POP4: variants seen among roughly 807,000 people sequenced by gnomAD.
POP4 encodes the protein POP4 ribonuclease P/MRP subunit, also known as ribonuclease P protein subunit p29.
A neutral mutation model predicts 29.9 loss-of-function variants in POP4; 31 were observed. That is an observed-to-expected ratio of 1.04 (90% confidence interval 0.78 to 1.40). The LOEUF (loss-of-function observed/expected upper bound fraction) is 1.40. POP4 is among the 40% of genes most tolerant of loss of function. The pLI is 0.00. For synonymous variants in POP4, 110 were observed against 108.2 expected (o/e 1.02, Z -0.10); for missense variants, 286 against 282.7 (o/e 1.01, Z -0.08).
chr19:29,615,081 C>A (rs1971114612), intron 6 of POP4, among the ~76,000 whole-genome samples, 163 bp from the exon 7 acceptor site: 1 of 152,164 alleles, frequency 6.6e-6, no homozygotes, highest in Admixed American at 6.5e-5. Context: ...GGCAGAATAA[C>A]CACAGGCAAC....
chr19:29,615,096 A>C, intron 6 of POP4, 148 bp from the exon 7 acceptor site: 1 of 946,608 alleles, frequency 1.1e-6, no homozygotes, highest in Non-Finnish European at 1.5e-6. Flanking sequence ...GGCAACCCTA[A>C]TGCCCCTCCC....
chr19:29,615,111 T>C, intron 6 of POP4, 133 bp from the exon 7 acceptor site: 1 of 1,111,004 alleles, frequency 9.0e-7, no homozygotes, highest in Non-Finnish European at 1.2e-6. Context: ...CCTCCCCTTG[T>C]GGGTTTCCCG....
Position 29,615,400 on chromosome 19 carries a change from A to C in POP4, c.*20A>C, listed in dbSNP as rs1456098930. On this transcript the variant is annotated 3_prime_UTR_variant, in exon 7 of 7. Transcript: ENST00000585603. ...CTGTGAATTCTTTGCCGTCTAAGGC[A>C]GTTGTTTATGACAGCTGAAAACTGG... The C allele has an allele frequency of 6.2e-7, 1 of 1,609,336 alleles. No individual in the cohort carries two copies. The highest frequency in any genetic ancestry group is 1.7e-5 in the Admixed American group (1 of 59,062).
chr19:29,610,706 G>A, intron 3 of POP4, 74 bp downstream of exon 3: 1 of 1,468,814 alleles, frequency 6.8e-7, no homozygotes, highest in East Asian at 2.4e-5. Flanking sequence ...CTGAGTGGCT[G>A]GGGAGGCAGC....
chr19:29,612,811 A>G (rs1171944054), intron 5 of POP4, among the ~76,000 whole-genome samples: 2 of 152,146 alleles, frequency 1.3e-5, no homozygotes, highest in African/African-American at 2.4e-5. Flanking sequence ...GGAACATCCT[A>G]CTACTTAAAT....
At position 29,610,544 on chromosome 19, in the gene POP4, C is replaced by T. The variant is rs371486003; in HGVS notation, c.196C>T (p.Arg66Cys). 19 of 1,614,160 alleles carry T rather than the reference C, an allele frequency of 1.2e-5. No homozygotes were observed. The highest frequency in any genetic ancestry group is 4.0e-5 in the African/African-American group (3 of 75,070). The change falls in exon 3 of 7, where the codon CGC becomes TGC. Residue 66 changes from arginine to cysteine, a missense_variant. Physicochemically the swap from Arg to Cys is radical, Grantham distance 180 (BLOSUM62 -3). Transcript: ENST00000585603. ...VVLEYFTRHK[R>C]KEKKKKAKGL... ...CCTGGAGTACTTCACCCGCCACAAG[C>T]GCAAGGAGAAGAAGAAGAAAGCCAA... is the stretch of plus-strand genomic sequence containing the variant.
chr19:29,613,583 A>G (rs1044089994), intron 5 of POP4, among the ~76,000 whole-genome samples: 1 of 152,212 alleles, frequency 6.6e-6, no homozygotes, highest in African/African-American at 2.4e-5. Flanking sequence ...TGCTGGGCAC[A>G]TATGTGACCT....
Position 29,613,890 on chromosome 19 carries a change from C to T in POP4, c.444C>T (p.Pro148=), listed in dbSNP as rs1299464874. 5.0e-6 allele frequency: 8 copies of T among 1,613,332 alleles called. No individual in the cohort carries two copies. The highest frequency in any genetic ancestry group is 6.8e-6 in the Non-Finnish European group (8 of 1,179,752). ...TTGCAGTGACAAAATCCAAATGCCC[C>T]TCTTATGTGGGTATTACAGGAATCC... ...AIISVTKSKC[P]SYVGITGILL... The change falls in exon 6 of 7, where the codon CCC becomes CCT. Residue 148 remains proline (P), a synonymous_variant. Coordinates refer to ENST00000585603, the MANE Select transcript of POP4 (RefSeq NM_006627.3).
At position 29,610,424 on chromosome 19, in the gene POP4, C is replaced by T. The variant is rs1316634069; in HGVS notation, c.76C>T (p.Arg26Trp). ...DSDVQPSGAQ[R>W]AEAFVRAFLK... ...CCGCCTGCAGCCTTCAGGAGCACAG[C>T]GGGCCGAGGCCTTCGTGAGGGCCTT... The change falls in exon 3 of 7, where the codon CGG (arginine) becomes TGG (tryptophan). Residue 26 changes from arginine (R) to tryptophan (W), a missense_variant. By Grantham distance (101) the Arg-to-Trp change is moderately radical (BLOSUM62 -3). Coordinates refer to ENST00000585603, the MANE Select transcript of POP4 (RefSeq NM_006627.3). 2.1e-5 allele frequency: 33 copies of T among 1,565,086 alleles called. No homozygotes were observed. The highest frequency in any genetic ancestry group is 1.5e-4 in the South Asian group (13 of 85,856).
chr19:29,610,602 G>T lies in POP4; in HGVS notation c.254G>T (p.Arg85Leu). ...TCTGCCAGGCAAAGGAGGGAGCTGC[G>T]GCTCTTTGACATTAAACCAGAGCAG... The part of the protein sequence containing the change: ...GLSARQRREL[R>L]LFDIKPEQQR... The change falls in exon 3 of 7, where the codon CGG becomes CTG. Residue 85 changes from arginine to leucine, a missense_variant. Arg to Leu is a moderately radical substitution (Grantham distance 102). Coordinates refer to ENST00000585603, the MANE Select transcript of POP4 (RefSeq NM_006627.3). The T allele has an allele frequency of 6.2e-7, 1 of 1,614,072 alleles. No homozygotes were observed. Among genetic ancestry groups the T allele is most frequent in the South Asian group, 1.1e-5 (1 of 91,070 alleles).
At position 29,615,536 on chromosome 19, in the gene POP4, G is replaced by A. The variant is rs1223534416; in HGVS notation, c.*156G>A. Reference sequence around the variant, plus strand: ...TTGAGGATGTTGAACAACATGGGAAGGTCGCAGCGTACTAAGTGAAGAAGT... The same window carrying A: ...TTGAGGATGTTGAACAACATGGGAAAGTCGCAGCGTACTAAGTGAAGAAGT... On this transcript the variant is annotated 3_prime_UTR_variant, in exon 7 of 7. Coordinates refer to ENST00000585603, the MANE Select transcript of POP4 (RefSeq NM_006627.3). The A allele has an allele frequency of 1.4e-5, 10 of 733,814 alleles. 1 individual carries two copies. The Admixed American group carries it at 3.1e-4, about 23-fold the overall frequency. The allele number at this position is 733,814 out of a possible 1,614,324, so 45.5% of individuals were successfully genotyped here.
At chr19:29,613,605 A>G (rs1259381907) in intron 5 of POP4, among the ~76,000 whole-genome samples, 1 of 152,106 alleles carries the variant, frequency 6.6e-6, no homozygotes, top group Non-Finnish European at 1.5e-5. Flanking sequence ...TAATTCCAGA[A>G]TCCTGCCCAA....
chr19:29,607,406 C>G (rs1971011545), intron 1 of POP4, among the ~76,000 whole-genome samples: 1 of 152,044 alleles, frequency 6.6e-6, no homozygotes, highest in Non-Finnish European at 1.5e-5. Flanking sequence ...TATGATTGTG[C>G]CACTGCACTC....
intron 6 of POP4, 44 bp from the exon 7 acceptor site, chr19:29,615,200 T>C: frequency 6.7e-7 from 1 of 1,496,992 alleles, no homozygotes; most frequent in Non-Finnish European, 8.9e-7. Context: ...ATAAATATTT[T>C]TCCTCATCTT....
rs781007180 is a variant in POP4 at position 29,610,547 on chromosome 19, AAGG to A, written c.202_204del (p.Glu68del). The A allele has an allele frequency of 7.4e-6, 12 of 1,614,082 alleles. No homozygotes were observed. In the African/African-American group the frequency reaches 1.2e-4, roughly 16 times the overall value. On this transcript the variant is annotated inframe_deletion, in exon 3 of 7. Coordinates refer to ENST00000585603, the MANE Select transcript of POP4 (RefSeq NM_006627.3). ...GGAGTACTTCACCCGCCACAAGCGC[AAGG>A]AGAAGAAGAAGAAAGCCAAAGGCCT...
chr19:29,611,754 G>T, intron 3 of POP4, 108 bp from the exon 4 acceptor site: 2 of 887,000 alleles, frequency 2.3e-6, no homozygotes, highest in Admixed American at 3.9e-5. Flanking sequence ...AGTTCCTAAT[G>T]ATCCCAGGTT....
In POP4 at chr19:29,613,861, T is replaced by C. The variant is rs751676555; in HGVS notation, c.425-10T>C. On this transcript the variant is annotated splice_polypyrimidine_tract_variant and intron_variant, in intron 5 of 6. Transcript: ENST00000585603. ...AGGCCTGAGCCTGGAACTGTCCTTT[T>C]TCTTTGCAGTGACAAAATCCAAATG... 2.5e-6 allele frequency: 4 copies of C among 1,610,882 alleles called. No homozygotes were observed. In the East Asian group the frequency reaches 6.7e-5, roughly 27 times the overall value.
In POP4 at chr19:29,616,472, CTG is replaced by C. The variant is rs1201300481; in HGVS notation, c.*1094_*1095del. 1.3e-5 allele frequency: 2 copies of C among 152,302 alleles called. No homozygotes were observed. The highest frequency in any genetic ancestry group is 1.5e-5 in the Non-Finnish European group (1 of 68,104). 9.4% of individuals were successfully genotyped at this position (152,302 alleles called of 1,614,324 possible). A position where few individuals can be genotyped will look rare whatever the true frequency, so the allele number is the denominator to read the frequency against. On this transcript the variant is annotated 3_prime_UTR_variant, in exon 7 of 7. Coordinates refer to ENST00000585603, the MANE Select transcript of POP4 (RefSeq NM_006627.3). ...TCCTGGCGAAAGGCAGGCCACAAATCTGTTCTCCCCCAGGAGAAGTAGCAGTG... is the reference window on the plus strand; with the variant it reads ...TCCTGGCGAAAGGCAGGCCACAAATCTTCTCCCCCAGGAGAAGTAGCAGTG...
chr19:29,610,706 G>T, intron 3 of POP4, 74 bp downstream of exon 3: 1 of 1,468,812 alleles, frequency 6.8e-7, no homozygotes, highest in Non-Finnish European at 9.3e-7. Flanking sequence ...CTGAGTGGCT[G>T]GGGAGGCAGC....
Sources: allele counts gnomAD v4.1 joint callset (sites outside exome capture counted in the v4.1 genomes callset), GRCh38; gene constraint gnomAD v4.1.1; transcripts MANE v1.5; gene names NCBI Gene and HGNC (gene_info 2026-07-23, HGNC 2026-07-21).